The following CDYL variants were observed in gnomAD, a reference collection of about 807,000 sequenced individuals.
CDYL encodes the protein chromodomain Y like.
In CDYL, 8 loss-of-function variants were observed where a neutral mutation model predicts 47.3. The ratio of observed to expected loss-of-function variants is 0.17; its 90% CI spans 0.10 to 0.31. The LOEUF (loss-of-function observed/expected upper bound fraction) is 0.31, where lower values mean the gene tolerates loss of function less well. Ranked by LOEUF, CDYL falls within the 10% of genes least tolerant of loss-of-function variation. The probability of loss-of-function intolerance (pLI) is 1.00; values close to 1 mark genes in which losing one functional copy is unlikely to be tolerated. For synonymous variants in CDYL, 266 were observed against 265.0 expected (o/e 1.00, Z -0.04); for missense variants, 471 against 701.4 (o/e 0.67, Z 3.71).
At chr6:4,720,408 T>C (rs1401192665) in intron 2 of CDYL, among the ~76,000 whole-genome samples, 2 of 152,224 alleles carry the variant, frequency 1.3e-5, no homozygotes, top group Non-Finnish European at 2.9e-5. Flanking sequence ...CTAGTAGGCA[T>C]GAAATAAATG....
At chr6:4,749,585 C>A (rs1757956390) in intron 3 of CDYL, among the ~76,000 whole-genome samples, 1 of 152,202 alleles carries the variant, frequency 6.6e-6, no homozygotes, top group Non-Finnish European at 1.5e-5. Context: ...TGTTTTCTGA[C>A]TTTAAGAGGT....
At chr6:4,738,572 C>A (rs531072345) in intron 3 of CDYL, among the ~76,000 whole-genome samples, 1 of 152,186 alleles carries the variant, frequency 6.6e-6, no homozygotes, top group Admixed American at 6.5e-5. Flanking sequence ...GATTCTCATG[C>A]ACTATTAGTG....
intron 2 of CDYL, among the ~76,000 whole-genome samples, chr6:4,730,533 G>A (rs1757585491): frequency 6.6e-6 from 1 of 151,900 alleles, no homozygotes; most frequent in African/African-American, 2.4e-5. Context: ...AATTAGCCTG[G>A]CGTGCTGGTG....
At chr6:4,738,679 G>A (rs1237461041) in intron 3 of CDYL, among the ~76,000 whole-genome samples, 1 of 152,186 alleles carries the variant, frequency 6.6e-6, no homozygotes, top group Non-Finnish European at 1.5e-5. Flanking sequence ...TGCTTCTGAA[G>A]AAACACTTGT....
chr6:4,865,752 A>G (rs1761302597), intron 1 of CDYL, among the ~76,000 whole-genome samples: 3 of 152,246 alleles, frequency 2.0e-5, no homozygotes, highest in Non-Finnish European at 4.4e-5. Flanking sequence ...CTCCATGAAG[A>G]TAAAGTGATT....
chr6:4,784,702 T>C (rs1405811485), intron 1 of CDYL, among the ~76,000 whole-genome samples: 1 of 152,212 alleles, frequency 6.6e-6, no homozygotes, highest in African/African-American at 2.4e-5. Flanking sequence ...TACTGTACCT[T>C]TTCTATGTTT....
chr6:4,755,997 T>C (rs949050661), intron 3 of CDYL, among the ~76,000 whole-genome samples: 5 of 152,230 alleles, frequency 3.3e-5, no homozygotes, highest in African/African-American at 1.2e-4. Context: ...CCCTCCTCCT[T>C]ATTATTTCTC....
At chr6:4,724,000 C>T (rs1490559931) in intron 2 of CDYL, among the ~76,000 whole-genome samples, 1 of 152,190 alleles carries the variant, frequency 6.6e-6, no homozygotes, top group Non-Finnish European at 1.5e-5. Context: ...TTTTACTCAT[C>T]CCACATACCT....
intron 1 of CDYL, among the ~76,000 whole-genome samples, chr6:4,710,441 G>A (rs369549495): frequency 7.1e-6 from 1 of 141,570 alleles, no homozygotes; most frequent in African/African-American, 2.5e-5. Flanking sequence ...AATTACATGA[G>A]AATTTCTGGA....
intron 1 of CDYL, among the ~76,000 whole-genome samples, chr6:4,809,158 A>G (rs1294685567): frequency 6.6e-6 from 1 of 152,060 alleles, no homozygotes; most frequent in Non-Finnish European, 1.5e-5. Flanking sequence ...ATTTTATTGC[A>G]TTATCTTTCT....
chr6:4,807,275 ATGT>A (rs764962637), intron 1 of CDYL, among the ~76,000 whole-genome samples: 1 of 152,170 alleles, frequency 6.6e-6, no homozygotes, highest in African/African-American at 2.4e-5. Flanking sequence ...GGGGTATATG[ATGT>A]TGTCTAATTA....
chr6:4,759,917 A>G lies in CDYL; in HGVS notation c.186+25073A>G, dbSNP rs1260563704. Among the ~76,000 whole-genome samples, 497 of 128,440 alleles carry G rather than the reference A, an allele frequency of 3.9e-3. 39 individuals are homozygous for G. Among genetic ancestry groups the G allele is most frequent in the African/African-American group, 0.014 (479 of 33,496 alleles). The allele number at this position is 128,440 out of a possible 152,430, so 84.3% of individuals were successfully genotyped here. A position where few individuals can be genotyped will look rare whatever the true frequency, so the allele number is the denominator to read the frequency against. On this transcript the variant is annotated intron_variant, in intron 3 of 8. Transcript: ENST00000328908. ...AAAAAAAAAAAAAAAAAAAAAAAAAAAAAAAAAAGAAGAAGAAAGAAAAGA... is the reference window on the plus strand; with the variant it reads ...AAAAAAAAAAAAAAAAAAAAAAAAAGAAAAAAAAGAAGAAGAAAGAAAAGA...
intron 3 of CDYL, among the ~76,000 whole-genome samples, chr6:4,759,606 G>A (rs1012186176): frequency 2.1e-4 from 32 of 151,800 alleles, no homozygotes; most frequent in African/African-American, 6.8e-4. Flanking sequence ...GACTTGGTGG[G>A]TGCAGTGGCT....
chr6:4,907,463 T>C (rs1451245334), intron 2 of CDYL, among the ~76,000 whole-genome samples: 3 of 152,144 alleles, frequency 2.0e-5, no homozygotes, highest in Admixed American at 1.3e-4. Flanking sequence ...CAGGCTCAGG[T>C]GATCCACCTC....
At chr6:4,731,603 C>A (rs943587840) in intron 2 of CDYL, among the ~76,000 whole-genome samples, 1 of 151,932 alleles carries the variant, frequency 6.6e-6, no homozygotes, top group Non-Finnish European at 1.5e-5. Flanking sequence ...TCGAGACCAG[C>A]GCCTGGCCAA....
chr6:4,802,479 C>T lies in CDYL; in HGVS notation c.24+25672C>T, dbSNP rs138923110. Among the ~76,000 whole-genome samples the T allele has an allele frequency of 6.5e-4, 99 of 152,182 alleles. 1 individual carries two copies. Among genetic ancestry groups the T allele is most frequent in the African/African-American group, 2.3e-3 (96 of 41,508 alleles). The stretch of plus-strand genomic sequence containing the variant: ...ACCTGATCCCAGGAGGTTGAGGCTG[C>T]AATGAGCTATGATTGCACCACTGTA... On this transcript the variant is annotated intron_variant, in intron 1 of 6. Transcript: ENST00000397588.
At chr6:4,748,703 AT>A (rs1757939013) in intron 3 of CDYL, among the ~76,000 whole-genome samples, 1 of 151,758 alleles carries the variant, frequency 6.6e-6, no homozygotes, top group Admixed American at 6.6e-5. Context: ...GTAAAAAAAA[AT>A]ATAAAGAAAA....
At chr6:4,739,437 T>C (rs546209505) in intron 3 of CDYL, among the ~76,000 whole-genome samples, 1 of 146,378 alleles carries the variant, frequency 6.8e-6, no homozygotes, top group Non-Finnish European at 1.5e-5. Context: ...AAGAATCACT[T>C]GAATCTGGGA....
chr6:4,908,998 G>T (rs948099082), intron 2 of CDYL, among the ~76,000 whole-genome samples: 4 of 152,216 alleles, frequency 2.6e-5, no homozygotes, highest in African/African-American at 9.6e-5. Flanking sequence ...CCATGTTCGT[G>T]TACAGGAGTG....
Sources: gnomAD v4.1 joint callset for allele counts (sites outside exome capture counted in the v4.1 genomes callset) on GRCh38, gnomAD v4.1.1 for gene constraint, MANE v1.5 for transcripts, NCBI Gene and HGNC (gene_info 2026-07-23, HGNC 2026-07-21) for gene names.